The following PPFIA2 variants were observed in gnomAD, a reference collection of about 807,000 sequenced individuals.
PPFIA2 encodes PPFI scaffold protein A2.
A neutral mutation model predicts 175.5 loss-of-function variants in PPFIA2; 46 were observed. The observed-to-expected ratio is 0.26, with a 90% CI of 0.21 to 0.34. The LOEUF is 0.34. Among genes scored for constraint, PPFIA2 ranks in the 10% least tolerant of loss-of-function variants. PPFIA2 has a pLI of 1.00. For missense variants in PPFIA2, 1,179 were observed against 1,506.1 expected, an observed-to-expected ratio of 0.78 and a Z score of 3.60; for synonymous variants, 568 against 511.4, an observed-to-expected ratio of 1.11 and a Z score of -1.49.
At chr12:81,454,120 G>C (rs1161595375) in intron 5 of PPFIA2, among the ~76,000 whole-genome samples, 1 of 152,122 alleles carries the variant, frequency 6.6e-6, no homozygotes, top group South Asian at 2.1e-4. Context: ...TTGGGAGGCT[G>C]AGGTGGGAAG....
chr12:81,515,504 A>G (rs1454923289), intron 4 of PPFIA2, among the ~76,000 whole-genome samples: 1 of 152,040 alleles, frequency 6.6e-6, no homozygotes, highest in Non-Finnish European at 1.5e-5. Context: ...TTTATCATCA[A>G]TTTCTCTTTC....
intron 4 of PPFIA2, among the ~76,000 whole-genome samples, chr12:81,563,591 G>A (rs1005429321): frequency 3.3e-5 from 5 of 152,066 alleles, no homozygotes; most frequent in Non-Finnish European, 7.4e-5. Context: ...TATGACTCAA[G>A]AACAACCCCT....
At chr12:81,737,024 G>A (rs368094140) in intron 3 of PPFIA2, among the ~76,000 whole-genome samples, 1 of 152,070 alleles carries the variant, frequency 6.6e-6, no homozygotes, top group East Asian at 1.9e-4. Flanking sequence ...ATGGCAGACT[G>A]TGTAATTGGG....
At chr12:81,689,257 C>T (rs992831481) in intron 3 of PPFIA2, among the ~76,000 whole-genome samples, 2 of 151,956 alleles carry the variant, frequency 1.3e-5, no homozygotes, top group African/African-American at 4.8e-5. Context: ...GAAAGAAATT[C>T]ACCAAGTTCT....
intron 8 of PPFIA2, 87 bp downstream of exon 8, chr12:81,405,700 A>T: frequency 1.3e-6 from 1 of 754,268 alleles, no homozygotes; most frequent in Admixed American, 3.2e-5. Flanking sequence ...ATACTAAAAA[A>T]ATGTTCATTA....
chr12:81,288,979 T>TA lies in PPFIA2; in HGVS notation c.2926-4677dup, dbSNP rs575677335. Among the ~76,000 whole-genome samples the TA allele has an allele frequency of 3.3e-5, 5 of 151,806 alleles. No homozygotes were observed. In the South Asian group the frequency reaches 8.3e-4, roughly 25 times the overall value. Reference sequence around the variant, plus strand: ...ATGCTATAAAAAGAAGGAAAACTGATAGAGTGCAGGAAGCAGAAGCAGGAG... The same window carrying TA: ...ATGCTATAAAAAGAAGGAAAACTGATAAGAGTGCAGGAAGCAGAAGCAGGAG... On this transcript the variant is annotated intron_variant, in intron 24 of 32. Transcript: ENST00000549396.
chr12:81,577,193 T>A (rs1275506270), intron 4 of PPFIA2, among the ~76,000 whole-genome samples: 1 of 151,828 alleles, frequency 6.6e-6, no homozygotes, highest in Non-Finnish European at 1.5e-5. Context: ...TTATCCCAAA[T>A]AATGAGCTTA....
intron 30 of PPFIA2, 93 bp downstream of exon 30, chr12:81,266,859 A>T: frequency 1.2e-6 from 1 of 866,648 alleles, no homozygotes; most frequent in Non-Finnish European, 1.9e-6. Context: ...CAGTCATTTG[A>T]TTAATTTCCA....
chr12:81,663,762 G>A lies in PPFIA2; in HGVS notation c.303+13029C>T, dbSNP rs562006072. 2.6e-4 allele frequency among the ~76,000 whole-genome samples: 39 copies of A among 152,224 alleles called. 3 individuals are homozygous for A. The highest frequency in any genetic ancestry group is 9.4e-4 in the African/African-American group (39 of 41,530). Reference sequence around the variant, plus strand: ...CCTAAGCCAAAAGAACAAAGCTGGAGGCATCACACTACCTGACTTCAAACT... The same window carrying A: ...CCTAAGCCAAAAGAACAAAGCTGGAAGCATCACACTACCTGACTTCAAACT... On this transcript the variant is annotated intron_variant, in intron 4 of 32. Coordinates refer to ENST00000549396, the MANE Select transcript of PPFIA2 (RefSeq NM_003625.5).
chr12:81,482,522 T>G (rs1047064351), intron 4 of PPFIA2, among the ~76,000 whole-genome samples: 16 of 151,968 alleles, frequency 1.1e-4, no homozygotes, highest in Non-Finnish European at 1.9e-4. Context: ...ATAAAGAAAA[T>G]GTGGCACATA....
intron 4 of PPFIA2, among the ~76,000 whole-genome samples, chr12:81,569,033 T>C (rs942608382): frequency 6.6e-6 from 1 of 152,168 alleles, no homozygotes; most frequent in Non-Finnish European, 1.5e-5. Flanking sequence ...TTCATAATGG[T>C]ATTCAAATAG....
rs535469773 is a variant in PPFIA2 at position 81,338,872 on chromosome 12, G to T, written c.2548+308C>A. ...ATTATTTACTCATTAATAAAATAAG[G>T]TTTATACCACTAGCATTTACTTTGT... On this transcript the variant is annotated intron_variant, in intron 21 of 32. Transcript: ENST00000549396. Among the ~76,000 whole-genome samples, 356 of 152,160 alleles carry T rather than the reference G, an allele frequency of 2.3e-3. 1 individual carries two copies. The highest frequency in any genetic ancestry group is 3.2e-3 in the Non-Finnish European group (219 of 67,984).
chr12:81,584,282 A>G (rs1013591543), intron 4 of PPFIA2, among the ~76,000 whole-genome samples: 1 of 151,938 alleles, frequency 6.6e-6, no homozygotes. Flanking sequence ...AGACAGTGAT[A>G]AATTATAATG....
Position 81,642,717 on chromosome 12 carries a change from T to TATGCATG in PPFIA2, c.303+34073_303+34074insCATGCAT, listed in dbSNP as rs1407968415. On this transcript the variant is annotated intron_variant, in intron 4 of 32. Transcript: ENST00000549396. ...ACATACATGTATATGTATGTATGTA[T>TATGCATG]TATATACATACATGTATATGTATGT... Among the ~76,000 whole-genome samples, 2 of 89,994 alleles carry TATGCATG rather than the reference T, an allele frequency of 2.2e-5. 1 individual carries two copies. The highest frequency in any genetic ancestry group is 7.7e-5 in the African/African-American group (2 of 25,890). The allele number at this position is 89,994 out of a possible 152,430, so 59.0% of individuals were successfully genotyped here. A position where few individuals can be genotyped will look rare whatever the true frequency, so the allele number is the denominator to read the frequency against.
At chr12:81,389,874 C>T (rs187632295) in intron 8 of PPFIA2, among the ~76,000 whole-genome samples, 7 of 152,084 alleles carry the variant, frequency 4.6e-5, no homozygotes, top group Non-Finnish European at 5.9e-5. Context: ...TACAGAGTTG[C>T]GCAACTATCA....
At chr12:81,469,087 A>G (rs2056273408) in intron 4 of PPFIA2, among the ~76,000 whole-genome samples, 1 of 152,212 alleles carries the variant, frequency 6.6e-6, no homozygotes, top group African/African-American at 2.4e-5. Context: ...GTGTCATCAA[A>G]TGTTCAAATA....
In PPFIA2 at chr12:81,568,140, T is replaced by A. The variant is rs552622547; in HGVS notation, c.303+108651A>T. On this transcript the variant is annotated intron_variant, in intron 4 of 32. Coordinates refer to ENST00000549396, the MANE Select transcript of PPFIA2 (RefSeq NM_003625.5). ...TCAAGAAGCTGTACCCACTAGGGGG[T>A]GGATAAAACATTAATTTAATCCAAT... Among the ~76,000 whole-genome samples the A allele has an allele frequency of 4.6e-4, 70 of 152,248 alleles. No homozygotes were observed. In the South Asian group the frequency reaches 0.014, roughly 31 times the overall value.
At chr12:81,726,358 C>T (rs754988763) in intron 3 of PPFIA2, among the ~76,000 whole-genome samples, 13 of 151,032 alleles carry the variant, frequency 8.6e-5, no homozygotes, top group Non-Finnish European at 1.8e-4. Flanking sequence ...TTCTCTTAAC[C>T]CCACTTTACT....
At chr12:81,702,897 G>A (rs1000239674) in intron 3 of PPFIA2, among the ~76,000 whole-genome samples, 1 of 152,100 alleles carries the variant, frequency 6.6e-6, no homozygotes, top group African/African-American at 2.4e-5. Context: ...GACACACCAA[G>A]AAGGCAACTA....
Sources: gnomAD v4.1 joint callset for allele counts (sites outside exome capture counted in the v4.1 genomes callset) on GRCh38, gnomAD v4.1.1 for gene constraint, MANE v1.5 for transcripts, NCBI Gene and HGNC (gene_info 2026-07-23, HGNC 2026-07-21) for gene names.